The following SUFU variants were observed in gnomAD, a reference collection of about 807,000 sequenced individuals.
The protein encoded by SUFU is SUFU negative regulator of hedgehog signaling.
SUFU carries 7 observed loss-of-function variants against 58.9 expected under a neutral mutation model. That is an observed-to-expected ratio of 0.12 (90% CI 0.07 to 0.22). The LOEUF (loss-of-function observed/expected upper bound fraction) is 0.22, where lower values mean the gene tolerates loss of function less well. Ranked by LOEUF, SUFU falls within the 10% of genes least tolerant of loss-of-function variation. The pLI, the probability that SUFU is intolerant of heterozygous loss-of-function variation, is 1.00. For missense variants in SUFU, 451 were observed against 641.3 expected (o/e 0.70, Z 3.20); for synonymous variants, 232 against 254.8 (o/e 0.91, Z 0.85).
At chr10:102,598,929 G>A (rs1356993191) in intron 7 of SUFU, among the ~76,000 whole-genome samples, 1 of 152,142 alleles carries the variant, frequency 6.6e-6, no homozygotes, top group Non-Finnish European at 1.5e-5. Context: ...AGACCAAGGT[G>A]GAGAGATGAT....
chr10:102,532,301 C>T (rs1425367217), intron 2 of SUFU, among the ~76,000 whole-genome samples: 1 of 152,146 alleles, frequency 6.6e-6, no homozygotes, highest in Non-Finnish European at 1.5e-5. Context: ...CAATTAGATG[C>T]CAGAGGGCCC....
chr10:102,627,046 T>C (rs1359452736), intron 10 of SUFU, 129 bp from the exon 11 acceptor site: 1 of 990,660 alleles, frequency 1.0e-6, no homozygotes, highest in African/African-American at 1.6e-5. Flanking sequence ...CACTTCCCTG[T>C]GTCCCTTGAA....
In SUFU at chr10:102,509,196, T is replaced by C. The variant is rs35166585; in HGVS notation, c.210T>C (p.Tyr70=). ...TGGGTGGCCCAGACCCCTTGGACTA[T>C]GTTAGCATGTACAGGAATGTGGGGA... The part of the protein sequence containing the change: ...YWLGGPDPLD[Y]VSMYRNVGSP... Residue 70 remains tyrosine (Y), a synonymous_variant, in exon 2 of 12, where the codon TAT becomes TAC. Transcript: ENST00000369902. 7.3e-4 allele frequency: 1,186 copies of C among 1,614,218 alleles called. 6 individuals carry two copies. In the African/African-American group the frequency reaches 0.014, roughly 19 times the overall value.
At chr10:102,599,849 A>T (rs1216584829) in intron 8 of SUFU, among the ~76,000 whole-genome samples, 1 of 152,120 alleles carries the variant, frequency 6.6e-6, no homozygotes, top group Non-Finnish European at 1.5e-5. Context: ...GCCTTGTGGG[A>T]GCCCATTGTG....
intron 2 of SUFU, among the ~76,000 whole-genome samples, chr10:102,530,292 C>T (rs191141898): frequency 1.4e-4 from 21 of 152,178 alleles, no homozygotes; most frequent in Admixed American, 7.2e-4. Flanking sequence ...TCCAAAGGGT[C>T]CAAAGATCGT....
In SUFU at chr10:102,633,027, G is replaced by C; in HGVS notation, c.*2872G>C. 4.3e-6 allele frequency: 1 copy of C among 233,388 alleles called. No individual in the cohort carries two copies. The highest frequency in any genetic ancestry group is 8.5e-6 in the Non-Finnish European group (1 of 118,108). 14.5% of individuals were successfully genotyped at this position (233,388 alleles called of 1,614,324 possible). ...AAGGGGAGAGTCTAAAAGGGCTAGAGCATTTTTAAAAATAGACACAGGGTC... is the reference window on the plus strand; with the variant it reads ...AAGGGGAGAGTCTAAAAGGGCTAGACCATTTTTAAAAATAGACACAGGGTC... On this transcript the variant is annotated 3_prime_UTR_variant, in exon 12 of 12. Transcript: ENST00000369902.
chr10:102,536,538 A>G (rs1338021002), intron 2 of SUFU, among the ~76,000 whole-genome samples: 1 of 150,318 alleles, frequency 6.7e-6, no homozygotes, highest in African/African-American at 2.5e-5. Flanking sequence ...TAATTTTTGT[A>G]TTTTTAGTAG....
At chr10:102,579,545 C>T (rs900906278) in intron 3 of SUFU, among the ~76,000 whole-genome samples, 3 of 152,174 alleles carry the variant, frequency 2.0e-5, no homozygotes, top group Admixed American at 2.0e-4. Flanking sequence ...AGCTGAAGAG[C>T]GGGCGGTTCT....
intron 10 of SUFU, chr10:102,618,933 T>TGC (rs2063714965): frequency 1.3e-5 from 2 of 156,364 alleles, no homozygotes; most frequent in Non-Finnish European, 1.5e-5. Flanking sequence ...TCAGGTAGCG[T>TGC]GTGTGTGTGT....
chr10:102,632,395 G>A lies in SUFU; in HGVS notation c.*2240G>A, dbSNP rs1203777887. 1 of 233,194 alleles carries A rather than the reference G, an allele frequency of 4.3e-6. No homozygotes were observed. The highest frequency in any genetic ancestry group is 6.0e-5 in the East Asian group (1 of 16,554). 14.4% of individuals were successfully genotyped at this position (233,194 alleles called of 1,614,324 possible). A position where few individuals can be genotyped will look rare whatever the true frequency, so the allele number is the denominator to read the frequency against. ...ACCTGCAATATGTCAGGAGCCTCAC[G>A]CTCACCCAAGATCCTGCAGGGGCCA... On this transcript the variant is annotated 3_prime_UTR_variant, in exon 12 of 12. Coordinates refer to ENST00000369902, the MANE Select transcript of SUFU (RefSeq NM_016169.4).
At position 102,587,161 on chromosome 10, in the gene SUFU, C is replaced by G. The variant is rs990358805; in HGVS notation, c.455-5421C>G. On this transcript the variant is annotated intron_variant, in intron 3 of 11. Transcript: ENST00000369902. ...CAATTGTGAATAATGCTGCTGTGAA[C>G]ATAGGTATACAAATATCTGTTTGAG... is the stretch of plus-strand genomic sequence containing the variant. Among the ~76,000 whole-genome samples the G allele has an allele frequency of 5.3e-5, 8 of 152,190 alleles. 1 individual carries two copies. Among genetic ancestry groups the G allele is most frequent in the Non-Finnish European group, 7.3e-5 (5 of 68,034 alleles).
intron 2 of SUFU, among the ~76,000 whole-genome samples, chr10:102,543,188 G>A (rs1256415267): frequency 6.6e-6 from 1 of 152,130 alleles, no homozygotes; most frequent in Non-Finnish European, 1.5e-5. Context: ...CAACATATGA[G>A]AGTGTCTCTT....
At chr10:102,571,686 T>A (rs980209930) in intron 3 of SUFU, among the ~76,000 whole-genome samples, 5 of 152,296 alleles carry the variant, frequency 3.3e-5, no homozygotes, top group Admixed American at 1.3e-4. Context: ...CAAGACTCTG[T>A]TTCAAAAAAC....
chr10:102,616,792 A>T (rs1323281976), intron 9 of SUFU, among the ~76,000 whole-genome samples: 1 of 151,962 alleles, frequency 6.6e-6, no homozygotes, highest in Non-Finnish European at 1.5e-5. Flanking sequence ...CTTGAATGTT[A>T]TGGGAAAGCC....
chr10:102,582,328 T>C (rs927783304), intron 3 of SUFU, among the ~76,000 whole-genome samples: 3 of 152,200 alleles, frequency 2.0e-5, no homozygotes, highest in African/African-American at 7.2e-5. Flanking sequence ...TCTTGAAGAA[T>C]GTATTTGTAA....
intron 8 of SUFU, among the ~76,000 whole-genome samples, chr10:102,606,884 G>A (rs1483326567): frequency 6.6e-6 from 1 of 152,138 alleles, no homozygotes; most frequent in African/African-American, 2.4e-5. Context: ...AATCCGGGGT[G>A]AATGGGAGAG....
At chr10:102,510,491 A>AG (rs111243701) in intron 2 of SUFU, among the ~76,000 whole-genome samples, 151,145 of 151,148 alleles carry the variant, frequency 1, 75,571 homozygotes, top group Middle Eastern at 1. Flanking sequence ...TACAGGCGTG[A>AG]CGACTGTGCC....
At chr10:102,580,034 C>CCT (rs1259923376) in intron 3 of SUFU, among the ~76,000 whole-genome samples, 1 of 89,776 alleles carries the variant, frequency 1.1e-5, no homozygotes, top group Non-Finnish European at 2.5e-5. Context: ...CCCGCACCCC[C>CCT]CCCCCGCCCC....
At chr10:102,626,601 A>T (rs2063788832) in intron 10 of SUFU, among the ~76,000 whole-genome samples, 1 of 152,094 alleles carries the variant, frequency 6.6e-6, no homozygotes, top group South Asian at 2.1e-4. Flanking sequence ...TGGGAATGGA[A>T]GTTGGGAGTC....
Sources: gnomAD v4.1 joint callset for allele counts (sites outside exome capture counted in the v4.1 genomes callset) on GRCh38, gnomAD v4.1.1 for gene constraint, MANE v1.5 for transcripts, NCBI Gene and HGNC (gene_info 2026-07-23, HGNC 2026-07-21) for gene names.